The following ADAMTS9 variants were observed in gnomAD, a reference collection of about 807,000 sequenced individuals.
ADAMTS9 encodes ADAM metallopeptidase with thrombospondin type 1 motif 9, also known as A disintegrin and metalloproteinase with thrombospondin motifs 9.
A neutral mutation model predicts 257.1 loss-of-function variants in ADAMTS9; 107 were observed. The ratio of observed to expected loss-of-function variants is 0.42; its 90% CI spans 0.36 to 0.49. The LOEUF is 0.49. Among genes scored for constraint, ADAMTS9 ranks in the 20% least tolerant of loss-of-function variants. The probability of loss-of-function intolerance (pLI) is 0.03; values close to 1 mark genes in which losing one functional copy is unlikely to be tolerated. For synonymous variants in ADAMTS9, 982 were observed against 880.9 expected, an observed-to-expected ratio of 1.11 and a Z score of -2.03; for missense variants, 2,353 against 2,469.1, an observed-to-expected ratio of 0.95 and a Z score of 1.00.
Position 64,681,369 on chromosome 3 carries a change from A to C in ADAMTS9, c.517-6T>G. On this transcript the variant is annotated splice_region_variant and splice_polypyrimidine_tract_variant and intron_variant, in intron 2 of 39. Transcript: ENST00000498707. ...TGAGACCGGAATGTGCCCAGCTGCA[A>C]ATGAAGAGAGATGGGAGGTTGATTT... 6.2e-7 allele frequency: 1 copy of C among 1,607,106 alleles called. No individual in the cohort carries two copies. The highest frequency in any genetic ancestry group is 8.5e-7 in the Non-Finnish European group (1 of 1,177,092).
chr3:64,552,389 A>C (rs2083281137), intron 30 of ADAMTS9, among the ~76,000 whole-genome samples: 1 of 152,106 alleles, frequency 6.6e-6, no homozygotes, highest in Admixed American at 6.6e-5. Context: ...ATTGTATCTA[A>C]AGCCTCTGTG....
intron 3 of ADAMTS9, among the ~76,000 whole-genome samples, chr3:64,679,709 T>C (rs1701706167): frequency 6.6e-6 from 1 of 152,206 alleles, no homozygotes; most frequent in African/African-American, 2.4e-5. Flanking sequence ...CTGTATGTTA[T>C]GTATACATTT....
At chr3:64,655,350 T>C (rs1405194139) in intron 6 of ADAMTS9, among the ~76,000 whole-genome samples, 1 of 152,216 alleles carries the variant, frequency 6.6e-6, no homozygotes, top group African/African-American at 2.4e-5. Flanking sequence ...GAGACATTGC[T>C]GGTTGTCACA....
intron 37 of ADAMTS9, among the ~76,000 whole-genome samples, chr3:64,536,108 G>A (rs1012632785): frequency 6.6e-6 from 1 of 152,166 alleles, no homozygotes; most frequent in Non-Finnish European, 1.5e-5. Context: ...GGCGTCCAGT[G>A]TCTGAACATG....
intron 21 of ADAMTS9, among the ~76,000 whole-genome samples, chr3:64,614,067 C>T (rs2084715963): frequency 6.6e-6 from 1 of 151,908 alleles, no homozygotes; most frequent in Non-Finnish European, 1.5e-5. Flanking sequence ...TTATAATGAC[C>T]CAAAATCTCG....
intron 28 of ADAMTS9, among the ~76,000 whole-genome samples, chr3:64,576,993 G>A (rs1003250474): frequency 4.6e-5 from 7 of 152,010 alleles, no homozygotes; most frequent in African/African-American, 1.2e-4. Flanking sequence ...CCCAACCTTC[G>A]ATCTCACAAT....
intron 6 of ADAMTS9, 70 bp downstream of exon 6, chr3:64,655,506 G>A (rs1434785552): frequency 1.6e-6 from 2 of 1,283,932 alleles, no homozygotes; most frequent in Non-Finnish European, 2.3e-6. Context: ...CTGACTATTA[G>A]GAATGCATGA....
chr3:64,582,998 T>C (rs988131718), intron 28 of ADAMTS9: 2 of 152,238 alleles, frequency 1.3e-5, no homozygotes, highest in African/African-American at 4.8e-5. Context: ...GAAGCTCTGT[T>C]TGAAACATAA....
chr3:64,579,457 C>T (rs1486049644), intron 28 of ADAMTS9, among the ~76,000 whole-genome samples: 2 of 152,122 alleles, frequency 1.3e-5, no homozygotes, highest in East Asian at 1.9e-4. Context: ...TTATTTTTAT[C>T]TATGGCAACT....
chr3:64,654,639 G>GA, intron 6 of ADAMTS9, 27 bp from the exon 7 acceptor site: 1 of 1,613,046 alleles, frequency 6.2e-7, no homozygotes, highest in Non-Finnish European at 8.5e-7. Context: ...CTTAGGCCTT[G>GA]ATGACATCAA....
At chr3:64,632,813 C>A (rs1700400379) in intron 14 of ADAMTS9, among the ~76,000 whole-genome samples, 1 of 148,930 alleles carries the variant, frequency 6.7e-6, no homozygotes, top group African/African-American at 2.5e-5. Flanking sequence ...CTCCAATATG[C>A]CTTTGGACCA....
At chr3:64,591,325 G>A (rs530760558) in intron 28 of ADAMTS9, among the ~76,000 whole-genome samples, 3 of 151,784 alleles carry the variant, frequency 2.0e-5, no homozygotes, top group South Asian at 4.2e-4. Flanking sequence ...CTATAATCCC[G>A]GCTACTTGGG....
Position 64,657,099 on chromosome 3 carries a change from G to T in ADAMTS9, c.970-1224C>A, listed in dbSNP as rs530368670. On this transcript the variant is annotated intron_variant, in intron 4 of 39. Coordinates refer to ENST00000498707, the MANE Select transcript of ADAMTS9 (RefSeq NM_182920.2). ...AATGCCTCCTGTTTGAAAAGAAGCTGTATATGCGAACATGTTTGCATAAGA... is the reference window on the plus strand; with the variant it reads ...AATGCCTCCTGTTTGAAAAGAAGCTTTATATGCGAACATGTTTGCATAAGA... Among the ~76,000 whole-genome samples, 3 of 152,216 alleles carry T rather than the reference G, an allele frequency of 2.0e-5. No homozygotes were observed. In the South Asian group the frequency reaches 6.2e-4, roughly 32 times the overall value.
intron 38 of ADAMTS9, among the ~76,000 whole-genome samples, chr3:64,526,355 G>C (rs2082910296): frequency 6.6e-6 from 1 of 152,062 alleles, no homozygotes; most frequent in Non-Finnish European, 1.5e-5. Context: ...AACAGTGCCA[G>C]TTTAACAATA....
chr3:64,644,441 G>C (rs1700734934), intron 11 of ADAMTS9, among the ~76,000 whole-genome samples: 1 of 152,186 alleles, frequency 6.6e-6, no homozygotes, highest in East Asian at 1.9e-4. Flanking sequence ...TTCACCAAAA[G>C]TAAGATTAAT....
intron 37 of ADAMTS9, among the ~76,000 whole-genome samples, chr3:64,535,048 T>A (rs1027244440): frequency 3.9e-5 from 6 of 152,128 alleles, no homozygotes; most frequent in Non-Finnish European, 7.4e-5. Context: ...ACAATGCACG[T>A]CACGCATTAC....
At chr3:64,558,520 A>T (rs1310627436) in intron 30 of ADAMTS9, among the ~76,000 whole-genome samples, 1 of 152,184 alleles carries the variant, frequency 6.6e-6, no homozygotes, top group Non-Finnish European at 1.5e-5. Context: ...TAAAAATGGC[A>T]TCCCTCAAAG....
chr3:64,614,155 T>C (rs973016782), intron 21 of ADAMTS9, among the ~76,000 whole-genome samples: 2 of 152,350 alleles, frequency 1.3e-5, no homozygotes, highest in Middle Eastern at 3.4e-3. Context: ...TATAGTGAAT[T>C]TACAGTTTGA....
At chr3:64,551,755 T>C (rs1298418486) in intron 30 of ADAMTS9, among the ~76,000 whole-genome samples, 2 of 152,204 alleles carry the variant, frequency 1.3e-5, no homozygotes, top group African/African-American at 2.4e-5. Context: ...GATAGCCATC[T>C]CATTTCATAA....
Sources: allele counts gnomAD v4.1 joint callset (sites outside exome capture counted in the v4.1 genomes callset), GRCh38; gene constraint gnomAD v4.1.1; transcripts MANE v1.5; gene names NCBI Gene and HGNC (gene_info 2026-07-23, HGNC 2026-07-21).